SCAF4: variants seen among roughly 807,000 people sequenced by gnomAD.
SCAF4 encodes SR-related CTD associated factor 4.
In SCAF4, 25 loss-of-function variants were observed where a neutral mutation model predicts 129.8. The ratio of observed to expected loss-of-function variants is 0.19; its 90% CI spans 0.14 to 0.27. The LOEUF is 0.27. Among genes scored for constraint, SCAF4 ranks in the 10% least tolerant of loss-of-function variants. The pLI is 1.00. For synonymous variants in SCAF4, 551 were observed against 497.7 expected (o/e 1.11, Z -1.43); for missense variants, 1,246 against 1,457.1 (o/e 0.86, Z 2.36).
chr21:31,706,379 A>G lies in SCAF4; in HGVS notation c.31-22T>C, dbSNP rs189660432. 3.1e-5 allele frequency: 47 copies of G among 1,521,474 alleles called. No individual in the cohort carries two copies. The South Asian group carries it at 5.0e-4, about 16-fold the overall frequency. 94.2% of individuals were successfully genotyped at this position (1,521,474 alleles called of 1,614,324 possible). A position where few individuals can be genotyped will look rare whatever the true frequency, so the allele number is the denominator to read the frequency against. On this transcript the variant is annotated intron_variant, in intron 1 of 19. Transcript: ENST00000286835. Reference sequence around the variant, plus strand: ...AGAGCTTAAAAGACAAAAAACAAACAAAAAGTAAAGTTTAACTATTTGGCT... The same window carrying G: ...AGAGCTTAAAAGACAAAAAACAAACGAAAAGTAAAGTTTAACTATTTGGCT...
In SCAF4 at chr21:31,679,629, GA is replaced by G. The variant is rs376055012; in HGVS notation, c.2488+5419del. On this transcript the variant is annotated intron_variant, in intron 19 of 19. Transcript: ENST00000286835. ...AAAATGATGCTTAGAATGTTAGCAA[GA>G]GATTCTTAAGAGAAATTTGAGTTTT... 1.2e-3 allele frequency among the ~76,000 whole-genome samples: 181 copies of G among 152,282 alleles called. No homozygotes were observed. The Middle Eastern group carries it at 0.037, about 31-fold the overall frequency.
At chr21:31,684,724 A>G in intron 19 of SCAF4, 1 of 310,974 alleles carries the variant, frequency 3.2e-6, no homozygotes. Context: ...CGAACTCTGT[A>G]CCAATTCCTT....
intron 16 of SCAF4, among the ~76,000 whole-genome samples, chr21:31,687,053 A>G (rs1489387581): frequency 6.6e-6 from 1 of 152,200 alleles, no homozygotes; most frequent in Non-Finnish European, 1.5e-5. Context: ...TTTGCCAACT[A>G]GGGGAGTCCA....
Position 31,732,065 on chromosome 21 carries a change from T to A in SCAF4, c.-373A>T. ...GCGAGCGGGCGGGCCTCTCTCTCCCTCTCTCCAGCGGGATGGCGGCAGCGG... is the reference window on the plus strand; with the variant it reads ...GCGAGCGGGCGGGCCTCTCTCTCCCACTCTCCAGCGGGATGGCGGCAGCGG... On this transcript the variant is annotated 5_prime_UTR_variant, in exon 1 of 20. Coordinates refer to ENST00000286835, the MANE Select transcript of SCAF4 (RefSeq NM_020706.2). The A allele has an allele frequency of 2.4e-6, 1 of 419,602 alleles. No individual in the cohort carries two copies. Among genetic ancestry groups the A allele is most frequent in the East Asian group, 3.6e-5 (1 of 27,806 alleles). The allele number at this position is 419,602 out of a possible 1,614,324, so 26.0% of individuals were successfully genotyped here. A position where few individuals can be genotyped will look rare whatever the true frequency, so the allele number is the denominator to read the frequency against.
At chr21:31,719,413 T>C (rs926607789) in intron 1 of SCAF4, among the ~76,000 whole-genome samples, 5 of 152,218 alleles carry the variant, frequency 3.3e-5, no homozygotes, top group African/African-American at 1.2e-4. Flanking sequence ...TCTATTACCA[T>C]TTACTCCGGG....
intron 10 of SCAF4, 122 bp downstream of exon 10, chr21:31,694,687 AGGGT>A: frequency 1.1e-6 from 1 of 876,162 alleles, no homozygotes; most frequent in Non-Finnish European, 1.8e-6. Flanking sequence ...GAGCACTGAG[AGGGT>A]TTAATATGTA....
chr21:31,712,445 T>C (rs2050823026), intron 1 of SCAF4, among the ~76,000 whole-genome samples: 1 of 151,932 alleles, frequency 6.6e-6, no homozygotes, highest in Non-Finnish European at 1.5e-5. Context: ...CTTTAAATCC[T>C]GGCCTTGTGT....
At chr21:31,716,555 C>A (rs920442086) in intron 1 of SCAF4, among the ~76,000 whole-genome samples, 1 of 152,106 alleles carries the variant, frequency 6.6e-6, no homozygotes, top group African/African-American at 2.4e-5. Flanking sequence ...TTATTAGCAA[C>A]ACATAGACAC....
chr21:31,677,899 C>T (rs956084472), intron 19 of SCAF4, among the ~76,000 whole-genome samples: 2 of 152,088 alleles, frequency 1.3e-5, no homozygotes, highest in Non-Finnish European at 2.9e-5. Context: ...TGAAGATAAC[C>T]CTGAGGGCTG....
At chr21:31,693,610 C>T in intron 11 of SCAF4, 126 bp from the exon 12 acceptor site, 1 of 484,192 alleles carries the variant, frequency 2.1e-6, no homozygotes, top group East Asian at 3.5e-5. Context: ...GAATGCAATA[C>T]CTGAGAATTC....
intron 1 of SCAF4, among the ~76,000 whole-genome samples, chr21:31,707,915 A>C (rs2050705724): frequency 6.6e-6 from 1 of 152,250 alleles, no homozygotes; most frequent in Admixed American, 6.5e-5. Flanking sequence ...CAGAAAATAT[A>C]ATTTTTCCAT....
In SCAF4 at chr21:31,696,691, T is replaced by G; in HGVS notation, c.837A>C (p.Lys279Asn). The stretch of plus-strand genomic sequence containing the variant: ...TCGTGGTGACGGCAGTGGTATCCTC[T>G]TTCTTTGATTCTTCCACAGCTTCTG... ...DEPEAVEESK[K>N]EDTTAVTTTA... Residue 279 changes from lysine to asparagine, a missense_variant, in exon 8 of 20, where the codon AAA (lysine) becomes AAC (asparagine). Physicochemically the swap from Lys to Asn is moderately conservative, Grantham distance 94 (BLOSUM62 0). This residue lies in a region of SCAF4 where 236 missense variants were observed against 210.0 expected (regional missense o/e 1.12). Transcript: ENST00000286835. 6.2e-7 allele frequency: 1 copy of G among 1,613,990 alleles called. No homozygotes were observed. Among genetic ancestry groups the G allele is most frequent in the Non-Finnish European group, 8.5e-7 (1 of 1,179,852 alleles).
At chr21:31,724,285 G>T (rs13049795) in intron 1 of SCAF4, among the ~76,000 whole-genome samples, 4,237 of 152,214 alleles carry the variant, frequency 0.028, 74 homozygotes, top group Non-Finnish European at 0.041. Flanking sequence ...ACAGATCCTG[G>T]TAAGGCCTCT....
intron 1 of SCAF4, among the ~76,000 whole-genome samples, chr21:31,707,150 A>T (rs1220411495): frequency 1.3e-5 from 2 of 152,092 alleles, no homozygotes; most frequent in Non-Finnish European, 2.9e-5. Flanking sequence ...AACATTCCAT[A>T]GATGGGGGGG....
chr21:31,717,926 CACACACACACACACACACACAT>C (rs1298195347), intron 1 of SCAF4, among the ~76,000 whole-genome samples: 1 of 147,330 alleles, frequency 6.8e-6, no homozygotes, highest in Non-Finnish European at 1.5e-5. Flanking sequence ...CACACACACA[CACACACACACACACACACACAT>C]ATATATTTTT....
chr21:31,731,733 C>A lies in SCAF4; in HGVS notation c.-41G>T. Reference sequence around the variant, plus strand: ...GCGGCTGCTCCGGGCCCGCCGGTCACATAGACCTCGCGCCGCGGCGGAGCG... The same window carrying A: ...GCGGCTGCTCCGGGCCCGCCGGTCAAATAGACCTCGCGCCGCGGCGGAGCG... On this transcript the variant is annotated 5_prime_UTR_variant, in exon 1 of 20. It removes an upstream start codon present in the reference 5' UTR. Transcript: ENST00000286835. The A allele has an allele frequency of 6.4e-7, 1 of 1,560,592 alleles. No individual in the cohort carries two copies. Among genetic ancestry groups the A allele is most frequent in the South Asian group, 1.2e-5 (1 of 86,880 alleles).
At chr21:31,693,627 C>T (rs1349338037) in intron 11 of SCAF4, 143 bp from the exon 12 acceptor site, 1 of 450,614 alleles carries the variant, frequency 2.2e-6, no homozygotes, top group Non-Finnish European at 3.7e-6. Context: ...ATTCATTTTA[C>T]AGATTTAGTA....
chr21:31,705,146 A>AGG (rs1245959635), intron 3 of SCAF4, among the ~76,000 whole-genome samples: 5 of 152,228 alleles, frequency 3.3e-5, no homozygotes, highest in Admixed American at 3.3e-4. Context: ...AACAGCAGTC[A>AGG]GGGCAAGGGG....
chr21:31,711,013 ACTTT>A (rs893152796), intron 1 of SCAF4, among the ~76,000 whole-genome samples: 3 of 151,898 alleles, frequency 2.0e-5, no homozygotes, highest in Non-Finnish European at 2.9e-5. Context: ...CCATCACATC[ACTTT>A]CTTTCTTTTT....
Sources: gnomAD v4.1 joint callset for allele counts (sites outside exome capture counted in the v4.1 genomes callset) on GRCh38, gnomAD v4.1.1 for gene constraint, gnomAD v4.1.1 regional missense constraint, MANE v1.5 for transcripts, NCBI Gene and HGNC (gene_info 2026-07-23, HGNC 2026-07-21) for gene names.